MAML2: variants seen among roughly 807,000 people sequenced by gnomAD.
MAML2 encodes mastermind like transcriptional coactivator 2.
MAML2 carries 22 observed loss-of-function variants against 96.1 expected under a neutral mutation model. The observed-to-expected ratio is 0.23, with a 90% CI of 0.16 to 0.33. The LOEUF is 0.33. MAML2 is among the 10% of genes least tolerant of loss of function. The probability of loss-of-function intolerance (pLI) is 1.00; values close to 1 mark genes in which losing one functional copy is unlikely to be tolerated. For missense variants in MAML2, 1,367 were observed against 1,392.4 expected (o/e 0.98, Z 0.29); for synonymous variants, 561 against 521.3 (o/e 1.08, Z -1.04).
chr11:96,095,649 T>TA (rs1859813363), intron 1 of MAML2, among the ~76,000 whole-genome samples: 1 of 152,328 alleles, frequency 6.6e-6, no homozygotes, highest in Admixed American at 6.5e-5. Flanking sequence ...CACGTTTTAA[T>TA]ACCATTCGGG....
chr11:96,047,109 T>C (rs914941648), intron 2 of MAML2, among the ~76,000 whole-genome samples: 2 of 152,214 alleles, frequency 1.3e-5, no homozygotes, highest in Non-Finnish European at 2.9e-5. Flanking sequence ...TTTGCTTGTG[T>C]TGTTCCTGGC....
intron 2 of MAML2, among the ~76,000 whole-genome samples, chr11:96,017,623 G>A (rs1329665391): frequency 6.6e-6 from 1 of 152,146 alleles, no homozygotes; most frequent in Admixed American, 6.5e-5. Flanking sequence ...TGTGTTGCTG[G>A]TACAGGTAGG....
chr11:96,124,907 A>T (rs190303050), intron 1 of MAML2, among the ~76,000 whole-genome samples: 153 of 152,332 alleles, frequency 1.0e-3, no homozygotes, highest in African/African-American at 3.6e-3. Context: ...AGATATTCTC[A>T]ATCCTAGGTT....
At position 96,100,516 on chromosome 11, in the gene MAML2, G is replaced by A. The variant is rs1242249658; in HGVS notation, c.514-6999C>T. ...GTAGAGACAGGGTTTCACCATGTTG[G>A]TCAGGCTGGTCTTGAACTCCCGACC... On this transcript the variant is annotated intron_variant, in intron 1 of 4. Transcript: ENST00000524717. 3.3e-5 allele frequency among the ~76,000 whole-genome samples: 5 copies of A among 151,834 alleles called. No homozygotes were observed. The South Asian group carries it at 8.3e-4, about 25-fold the overall frequency.
intron 1 of MAML2, among the ~76,000 whole-genome samples, chr11:96,232,819 C>G (rs1296209207): frequency 1.3e-5 from 2 of 152,132 alleles, no homozygotes; most frequent in Non-Finnish European, 2.9e-5. Flanking sequence ...GATATGGAGG[C>G]CAGAATGCTG....
chr11:96,209,377 C>T (rs1031730263), intron 1 of MAML2, among the ~76,000 whole-genome samples: 2 of 152,080 alleles, frequency 1.3e-5, no homozygotes, highest in Non-Finnish European at 1.5e-5. Context: ...GTGGCTCACG[C>T]CTGTAATCTC....
Position 96,039,818 on chromosome 11 carries a change from C to T in MAML2, c.2140-48095G>A, listed in dbSNP as rs191020223. On this transcript the variant is annotated intron_variant, in intron 2 of 4. Transcript: ENST00000524717. ...TCTCAAAATACAAAAATTAGCCGGG[C>T]GTAGTGGCGGGTGCCTGTAGTCCCA... Among the ~76,000 whole-genome samples, 447 of 152,084 alleles carry T rather than the reference C, an allele frequency of 2.9e-3. 5 individuals are homozygous for T. Among genetic ancestry groups the T allele is most frequent in the African/African-American group, 0.01 (423 of 41,486 alleles).
intron 2 of MAML2, among the ~76,000 whole-genome samples, chr11:96,068,429 G>C (rs1006904694): frequency 8.7e-4 from 40 of 46,110 alleles, no homozygotes; most frequent in African/African-American, 2.2e-3. Flanking sequence ...TTTCCTGGGG[G>C]AGCTTACTTC....
At chr11:96,110,097 C>T (rs1321341269) in intron 1 of MAML2, among the ~76,000 whole-genome samples, 5 of 151,936 alleles carry the variant, frequency 3.3e-5, no homozygotes, top group East Asian at 3.9e-4. Flanking sequence ...AGGTCACCTG[C>T]GATAGGGCAG....
intron 1 of MAML2, among the ~76,000 whole-genome samples, chr11:96,254,784 G>T (rs902112672): frequency 6.6e-6 from 1 of 152,110 alleles, no homozygotes; most frequent in Non-Finnish European, 1.5e-5. Flanking sequence ...GAATATATTT[G>T]TCAGAGGCAG....
At chr11:96,322,204 C>A (rs1170719936) in intron 1 of MAML2, among the ~76,000 whole-genome samples, 1 of 152,086 alleles carries the variant, frequency 6.6e-6, no homozygotes, top group Non-Finnish European at 1.5e-5. Flanking sequence ...TAGCTTTAAC[C>A]TTTTCTCCAA....
chr11:96,286,402 T>A (rs1475148750), intron 1 of MAML2, among the ~76,000 whole-genome samples: 2 of 152,174 alleles, frequency 1.3e-5, no homozygotes, highest in East Asian at 3.9e-4. Flanking sequence ...TGGGTTGATC[T>A]GTGCAGCAAA....
At chr11:96,003,817 T>C (rs1858135455) in intron 2 of MAML2, among the ~76,000 whole-genome samples, 1 of 152,148 alleles carries the variant, frequency 6.6e-6, no homozygotes, top group Non-Finnish European at 1.5e-5. Context: ...ACACAAGGCA[T>C]TAGATTAAAT....
rs1159169049 is a variant in MAML2 at position 96,093,156 on chromosome 11, C to G, written c.875G>C (p.Arg292Thr). 6.2e-7 allele frequency: 1 copy of G among 1,613,856 alleles called. No individual in the cohort carries two copies. The highest frequency in any genetic ancestry group is 1.3e-5 in the African/African-American group (1 of 74,908). ...TTGTTCTCCAGGGTCGTCTCCGTAC[C>G]TATTAGGAAAAATATTCTCTTGGGT... ...QMTQENIFPNRYGDDPGEQLM... is the reference protein window; with the variant it reads ...QMTQENIFPNTYGDDPGEQLM... The change falls in exon 2 of 5, where the codon AGG becomes ACG. Residue 292 changes from arginine to threonine, a missense_variant. By Grantham distance (71) the Arg-to-Thr change is moderately conservative. Coordinates refer to ENST00000524717, the MANE Select transcript of MAML2 (RefSeq NM_032427.4).
chr11:96,003,800 A>G (rs1030617977), intron 2 of MAML2, among the ~76,000 whole-genome samples: 5 of 152,212 alleles, frequency 3.3e-5, no homozygotes, highest in Admixed American at 2.0e-4. Flanking sequence ...TGAATATCAT[A>G]CATATAACAC....
At chr11:96,046,692 C>G (rs1234567342) in intron 2 of MAML2, among the ~76,000 whole-genome samples, 1 of 152,160 alleles carries the variant, frequency 6.6e-6, no homozygotes, top group African/African-American at 2.4e-5. Flanking sequence ...CCTTCCTTTC[C>G]TTCTCTTTCC....
chr11:96,086,931 C>T (rs751906949), intron 2 of MAML2, among the ~76,000 whole-genome samples: 2 of 152,114 alleles, frequency 1.3e-5, no homozygotes, highest in Non-Finnish European at 2.9e-5. Flanking sequence ...CTGTAGAAAA[C>T]AGTGAAATTT....
At chr11:96,019,924 G>T (rs900966851) in intron 2 of MAML2, among the ~76,000 whole-genome samples, 2 of 152,162 alleles carry the variant, frequency 1.3e-5, no homozygotes, top group Admixed American at 1.3e-4. Flanking sequence ...ATGACTCAAA[G>T]TTCAAACTTT....
intron 1 of MAML2, among the ~76,000 whole-genome samples, chr11:96,219,808 T>C (rs12798124): frequency 0.064 from 9,792 of 152,162 alleles, 435 homozygotes; most frequent in Non-Finnish European, 0.096. Flanking sequence ...GTATGTTTAG[T>C]AGAGATGGGG....
Sources: allele counts gnomAD v4.1 joint callset (sites outside exome capture counted in the v4.1 genomes callset), GRCh38; gene constraint gnomAD v4.1.1; transcripts MANE v1.5; gene names NCBI Gene and HGNC (gene_info 2026-07-23, HGNC 2026-07-21).